The following ARHGAP24 variants were observed in gnomAD, a reference collection of about 807,000 sequenced individuals.
The protein encoded by ARHGAP24 is rho GTPase-activating protein 24.
Under a neutral mutation model 76.4 loss-of-function variants are expected in ARHGAP24, and 50 were observed. That is an observed-to-expected ratio of 0.65 (90% CI 0.52 to 0.83). The LOEUF (loss-of-function observed/expected upper bound fraction) is 0.83, where lower values mean the gene tolerates loss of function less well. ARHGAP24 is among the 40% of genes least tolerant of loss of function. The pLI, the probability that ARHGAP24 is intolerant of heterozygous loss-of-function variation, is 0.00. For missense variants in ARHGAP24, 930 were observed against 914.2 expected (o/e 1.02, Z -0.22); for synonymous variants, 345 against 323.3 (o/e 1.07, Z -0.72).
chr4:85,480,662 T>C (rs918619508), intron 1 of ARHGAP24, among the ~76,000 whole-genome samples: 1 of 152,170 alleles, frequency 6.6e-6, no homozygotes, highest in South Asian at 2.1e-4. Flanking sequence ...TTGTAGTTCC[T>C]TGAAACATTC....
At chr4:85,660,207 A>G (rs1722325857) in intron 2 of ARHGAP24, among the ~76,000 whole-genome samples, 1 of 152,202 alleles carries the variant, frequency 6.6e-6, no homozygotes, top group African/African-American at 2.4e-5. Flanking sequence ...CAATCAGTAA[A>G]TACCTAAGTC....
intron 1 of ARHGAP24, among the ~76,000 whole-genome samples, chr4:85,570,137 T>G (rs545081119): frequency 6.6e-6 from 1 of 152,322 alleles, no homozygotes; most frequent in South Asian, 2.1e-4. Flanking sequence ...CTGAATTCAT[T>G]TAAGAAGGCA....
intron 1 of ARHGAP24, among the ~76,000 whole-genome samples, chr4:85,561,747 G>A (rs1000876505): frequency 1.3e-5 from 2 of 151,988 alleles, no homozygotes; most frequent in Non-Finnish European, 2.9e-5. Flanking sequence ...CATTCGACAC[G>A]TAACTGTGTA....
intron 1 of ARHGAP24, among the ~76,000 whole-genome samples, chr4:85,518,538 T>C (rs192234162): frequency 2.0e-5 from 3 of 152,144 alleles, no homozygotes; most frequent in Non-Finnish European, 4.4e-5. Flanking sequence ...CCCCCCAAGT[T>C]TCCAAAGTTT....
chr4:85,800,506 G>A (rs1011040601), intron 3 of ARHGAP24, among the ~76,000 whole-genome samples: 1 of 151,618 alleles, frequency 6.6e-6, no homozygotes, highest in African/African-American at 2.4e-5. Flanking sequence ...AAGAACAGGA[G>A]GAGGAAAAGG....
intron 3 of ARHGAP24, among the ~76,000 whole-genome samples, chr4:85,920,442 G>A (rs1404190671): frequency 2.6e-5 from 4 of 152,078 alleles, no homozygotes; most frequent in Non-Finnish European, 2.9e-5. Flanking sequence ...AGACAACCTA[G>A]GCAATACCAT....
chr4:85,745,351 A>G (rs551287403), intron 3 of ARHGAP24, among the ~76,000 whole-genome samples: 5 of 148,148 alleles, frequency 3.4e-5, no homozygotes, highest in Non-Finnish European at 7.4e-5. Flanking sequence ...TATATGTATT[A>G]TAGAGTATAT....
intron 3 of ARHGAP24, among the ~76,000 whole-genome samples, chr4:85,734,578 G>A (rs1370714762): frequency 2.6e-5 from 4 of 151,188 alleles, no homozygotes; most frequent in Non-Finnish European, 4.4e-5. Context: ...GGGTGTCAAG[G>A]CAGGCAATTA....
At chr4:85,603,827 A>G (rs1468292916) in intron 2 of ARHGAP24, among the ~76,000 whole-genome samples, 1 of 152,190 alleles carries the variant, frequency 6.6e-6, no homozygotes, top group Non-Finnish European at 1.5e-5. Context: ...TTACTGAAGG[A>G]TGATGGACTA....
At chr4:85,649,772 C>A (rs761224009) in intron 2 of ARHGAP24, among the ~76,000 whole-genome samples, 7 of 152,148 alleles carry the variant, frequency 4.6e-5, no homozygotes, top group Non-Finnish European at 8.8e-5. Context: ...AATAAAATAA[C>A]TGTGGACTAT....
intron 3 of ARHGAP24, among the ~76,000 whole-genome samples, chr4:85,787,592 T>C (rs1199498476): frequency 1.3e-5 from 2 of 152,210 alleles, no homozygotes. Context: ...CCATAAGGAC[T>C]CAGGGTTCAA....
chr4:85,990,443 G>C (rs560023801), intron 8 of ARHGAP24: 2 of 151,812 alleles, frequency 1.3e-5, no homozygotes, highest in South Asian at 4.1e-4. Context: ...CTGATTATAA[G>C]TTTTACAGGG....
chr4:85,988,619 A>T (rs539259252), intron 8 of ARHGAP24, among the ~76,000 whole-genome samples: 195 of 151,212 alleles, frequency 1.3e-3, no homozygotes, highest in South Asian at 2.5e-3. Flanking sequence ...AACTTTTTTT[A>T]AAAAAAAGGA....
intron 2 of ARHGAP24, among the ~76,000 whole-genome samples, chr4:85,701,088 A>G (rs764791012): frequency 1.8e-4 from 28 of 152,204 alleles, no homozygotes; most frequent in South Asian, 2.1e-4. Flanking sequence ...CTCTGTCATT[A>G]TAATTACAGA....
At position 85,778,551 on chromosome 4, in the gene ARHGAP24, C is replaced by T. The variant is rs148203206; in HGVS notation, c.268+56579C>T. On this transcript the variant is annotated intron_variant, in intron 3 of 9. Transcript: ENST00000395184. ...TCCCTTATCTACAAAATGGGTTCAC[C>T]CGGCTAAATTATATTTAAGGTCCTG... The T allele has an allele frequency of 1.5e-4, 89 of 600,366 alleles. No homozygotes were observed. In the African/African-American group the frequency reaches 1.5e-3, roughly 10 times the overall value. 37.2% of individuals were successfully genotyped at this position (600,366 alleles called of 1,614,324 possible).
intron 2 of ARHGAP24, among the ~76,000 whole-genome samples, chr4:85,703,227 CATTT>C (rs1724164680): frequency 6.6e-6 from 1 of 152,036 alleles, no homozygotes; most frequent in Admixed American, 6.6e-5. Flanking sequence ...GTTTTTTATT[CATTT>C]AGTCAGCTTC....
chr4:85,806,097 G>T (rs921184180), intron 3 of ARHGAP24, among the ~76,000 whole-genome samples: 1 of 152,094 alleles, frequency 6.6e-6, no homozygotes, highest in African/African-American at 2.4e-5. Context: ...AAGCTTTTCA[G>T]GAAACATGAA....
intron 2 of ARHGAP24, among the ~76,000 whole-genome samples, chr4:85,687,308 A>C (rs1723458119): frequency 6.6e-6 from 1 of 152,098 alleles, no homozygotes; most frequent in Non-Finnish European, 1.5e-5. Flanking sequence ...CAGGGGGTAC[A>C]TGTGCAGGTT....
chr4:85,700,000 CA>C (rs2110024883), intron 2 of ARHGAP24, among the ~76,000 whole-genome samples: 2 of 152,302 alleles, frequency 1.3e-5, no homozygotes, highest in Non-Finnish European at 2.9e-5. Flanking sequence ...CTATGTTACA[CA>C]AGCTGGATTG....
Sources: allele counts gnomAD v4.1 joint callset (sites outside exome capture counted in the v4.1 genomes callset), GRCh38; gene constraint gnomAD v4.1.1; transcripts MANE v1.5; gene names NCBI Gene and HGNC (gene_info 2026-07-23, HGNC 2026-07-21).